The following C12orf42 variants were observed in gnomAD, a reference collection of about 807,000 sequenced individuals.
The protein encoded by C12orf42 is chromosome 12 open reading frame 42, also known as uncharacterized protein C12orf42.
Under a neutral mutation model 21.6 loss-of-function variants are expected in C12orf42, and 25 were observed. The ratio of observed to expected loss-of-function variants is 1.16; its 90% confidence interval spans 0.84 to 1.62. The LOEUF is 1.62. Ranked by LOEUF, C12orf42 falls within the 40% of genes most tolerant of loss-of-function variation. The probability of loss-of-function intolerance (pLI) is 0.00; values close to 1 mark genes in which losing one functional copy is unlikely to be tolerated. For synonymous variants in C12orf42, 174 were observed against 175.0 expected (o/e 0.99, Z 0.05); for missense variants, 483 against 459.3 (o/e 1.05, Z -0.47).
At chr12:103,432,189 C>A (rs564051470) in intron 2 of C12orf42, among the ~76,000 whole-genome samples, 9 of 152,304 alleles carry the variant, frequency 5.9e-5, no homozygotes, top group African/African-American at 2.2e-4. Context: ...AGGTCATACA[C>A]CAGTTAAGCT....
At chr12:103,364,624 A>G (rs1040630446) in intron 4 of C12orf42, among the ~76,000 whole-genome samples, 2 of 152,090 alleles carry the variant, frequency 1.3e-5, no homozygotes, top group Non-Finnish European at 2.9e-5. Context: ...GATCCAAATA[A>G]GCTCAATTGG....
the C12orf42 span, among the ~76,000 whole-genome samples, chr12:103,122,785 A>T: frequency 6.6e-6 from 1 of 152,140 alleles, no homozygotes; most frequent in Non-Finnish European, 1.5e-5. Flanking sequence ...GCAGATCAAT[A>T]TAGGGACTTT....
At chr12:103,492,256 C>T (rs892598374) in intron 1 of C12orf42, among the ~76,000 whole-genome samples, 2 of 152,216 alleles carry the variant, frequency 1.3e-5, no homozygotes, top group African/African-American at 2.4e-5. Flanking sequence ...CCGCACCTGG[C>T]CCTCATTCTT....
At chr12:103,218,152 C>G in the C12orf42 span, among the ~76,000 whole-genome samples, 1 of 151,888 alleles carries the variant, frequency 6.6e-6, no homozygotes, top group African/African-American at 2.4e-5. Context: ...TGGTGGTGCA[C>G]TCCTGTAATC....
intron 4 of C12orf42, among the ~76,000 whole-genome samples, chr12:103,351,686 G>T (rs1479122874): frequency 6.6e-6 from 1 of 152,002 alleles, no homozygotes; most frequent in African/African-American, 2.4e-5. Flanking sequence ...CACACAGCCT[G>T]GCGATTTTAA....
the C12orf42 span, among the ~76,000 whole-genome samples, chr12:103,200,151 A>C: frequency 6.6e-6 from 1 of 152,212 alleles, no homozygotes. Flanking sequence ...TCAGGCTTAA[A>C]AAAGAAGAAA....
At chr12:103,141,369 C>T in the C12orf42 span, among the ~76,000 whole-genome samples, 1 of 152,106 alleles carries the variant, frequency 6.6e-6, no homozygotes, top group African/African-American at 2.4e-5. Flanking sequence ...TAAAAACCAG[C>T]TAGTTGGCAA....
At chr12:103,397,142 G>A (rs560375262) in intron 3 of C12orf42, among the ~76,000 whole-genome samples, 5 of 152,112 alleles carry the variant, frequency 3.3e-5, no homozygotes, top group South Asian at 2.1e-4. Flanking sequence ...ACTTTCATTC[G>A]CCATCAGATT....
intron 2 of C12orf42, among the ~76,000 whole-genome samples, chr12:103,455,542 T>C (rs1592889914): frequency 6.6e-6 from 1 of 152,132 alleles, no homozygotes; most frequent in African/African-American, 2.4e-5. Flanking sequence ...CATCACCATC[T>C]TGGTCACCAC....
chr12:103,211,928 A>T, the C12orf42 span, among the ~76,000 whole-genome samples: 2 of 152,164 alleles, frequency 1.3e-5, no homozygotes, highest in Non-Finnish European at 2.9e-5. Context: ...TTTAAGGTAC[A>T]TTTTATAATT....
chr12:103,507,801 T>C, the C12orf42 span, among the ~76,000 whole-genome samples: 1 of 152,126 alleles, frequency 6.6e-6, no homozygotes, highest in Non-Finnish European at 1.5e-5. Flanking sequence ...TAACCATTAA[T>C]TTAGGACCTG....
chr12:103,498,141 TA>T (rs1955619364), upstream of C12orf42, among the ~76,000 whole-genome samples: 2 of 151,980 alleles, frequency 1.3e-5, no homozygotes, highest in Non-Finnish European at 2.9e-5. Flanking sequence ...ATGTCAACCT[TA>T]AAAAGAGAAA....
intron 2 of C12orf42, among the ~76,000 whole-genome samples, chr12:103,458,242 G>A (rs1379055578): frequency 6.6e-6 from 1 of 152,076 alleles, no homozygotes; most frequent in East Asian, 1.9e-4. Flanking sequence ...GACGTTGGGG[G>A]CAGGAACAAA....
the C12orf42 span, among the ~76,000 whole-genome samples, chr12:103,517,063 T>C: frequency 6.6e-6 from 1 of 152,176 alleles, no homozygotes; most frequent in Non-Finnish European, 1.5e-5. Flanking sequence ...TGCACTGTGG[T>C]AACATGTCAA....
chr12:103,498,331 C>G (rs1318245053), upstream of C12orf42, among the ~76,000 whole-genome samples: 1 of 152,194 alleles, frequency 6.6e-6, no homozygotes, highest in Non-Finnish European at 1.5e-5. Context: ...TGGCACATAG[C>G]AGATGCTCAA....
chr12:103,380,046 C>T (rs1172919006), intron 3 of C12orf42, among the ~76,000 whole-genome samples: 1 of 152,040 alleles, frequency 6.6e-6, no homozygotes, highest in Non-Finnish European at 1.5e-5. Flanking sequence ...ATCTAAGGCC[C>T]TAAAATTTAT....
upstream of C12orf42, among the ~76,000 whole-genome samples, chr12:103,498,915 T>A (rs553928436): frequency 6.6e-6 from 1 of 151,868 alleles, no homozygotes; most frequent in African/African-American, 2.4e-5. Flanking sequence ...AAATAGCTAA[T>A]GCATGCTCGG....
chr12:103,199,645 G>A, the C12orf42 span, among the ~76,000 whole-genome samples: 2 of 152,000 alleles, frequency 1.3e-5, no homozygotes, highest in Non-Finnish European at 2.9e-5. Context: ...GTTAAAATAG[G>A]CAAAGAAACC....
the C12orf42 span, among the ~76,000 whole-genome samples, chr12:103,518,124 G>A: frequency 6.6e-6 from 1 of 152,192 alleles, no homozygotes; most frequent in Non-Finnish European, 1.5e-5. Flanking sequence ...ATACACAGAT[G>A]TTACTTTGAA....
Sources: allele counts gnomAD v4.1 joint callset (sites outside exome capture counted in the v4.1 genomes callset), GRCh38; gene constraint gnomAD v4.1.1; transcripts MANE v1.5; gene names NCBI Gene and HGNC (gene_info 2026-07-23, HGNC 2026-07-21).